RTN1: variants seen among roughly 807,000 people sequenced by gnomAD.
RTN1 encodes the protein reticulon-1.
RTN1 carries 25 observed loss-of-function variants against 65.5 expected under a neutral mutation model. The observed-to-expected ratio is 0.38, with a 90% CI of 0.28 to 0.53. The LOEUF (loss-of-function observed/expected upper bound fraction) is 0.53, where lower values mean the gene tolerates loss of function less well. Among genes scored for constraint, RTN1 ranks in the 20% least tolerant of loss-of-function variants. RTN1 has a pLI of 0.79. For missense variants in RTN1, 983 were observed against 1,025.4 expected, an observed-to-expected ratio of 0.96 and a Z score of 0.57; for synonymous variants, 471 against 447.6, an observed-to-expected ratio of 1.05 and a Z score of -0.66.
intron 3 of RTN1, among the ~76,000 whole-genome samples, chr14:59,678,155 C>A (rs938505280): frequency 2.0e-5 from 3 of 152,124 alleles, no homozygotes; most frequent in African/African-American, 7.2e-5. Context: ...AGGGACAAGT[C>A]CTGTTCTGGG....
intron 3 of RTN1, among the ~76,000 whole-genome samples, chr14:59,710,745 C>A (rs189468857): frequency 3.9e-5 from 6 of 152,214 alleles, no homozygotes; most frequent in Non-Finnish European, 7.3e-5. Flanking sequence ...CAAAGGACAG[C>A]CCATCTGAGT....
intron 3 of RTN1, among the ~76,000 whole-genome samples, chr14:59,672,924 G>A (rs902804981): frequency 6.6e-5 from 10 of 152,122 alleles, no homozygotes; most frequent in Middle Eastern, 3.2e-3. Flanking sequence ...ACAGGCGTGA[G>A]CCACCGCGCC....
intron 3 of RTN1, among the ~76,000 whole-genome samples, chr14:59,714,196 T>C (rs1050664644): frequency 1.1e-4 from 16 of 150,648 alleles, no homozygotes; most frequent in Non-Finnish European, 7.4e-5. Flanking sequence ...GATTGTGCCA[T>C]TGCCTCCAGC....
chr14:59,690,641 C>T (rs970675647), intron 3 of RTN1, among the ~76,000 whole-genome samples: 1 of 151,974 alleles, frequency 6.6e-6, no homozygotes, highest in African/African-American at 2.4e-5. Flanking sequence ...GGATATATAT[C>T]GTTCTCAGCT....
intron 3 of RTN1, among the ~76,000 whole-genome samples, chr14:59,697,893 A>T (rs1884096493): frequency 1.3e-5 from 2 of 152,126 alleles, no homozygotes; most frequent in South Asian, 4.1e-4. Flanking sequence ...ACTTCTCAAA[A>T]AGATGTACTG....
intron 3 of RTN1, among the ~76,000 whole-genome samples, chr14:59,636,444 A>T (rs959942878): frequency 6.6e-6 from 1 of 152,184 alleles, no homozygotes; most frequent in Admixed American, 6.5e-5. Context: ...GGCCCTCGCC[A>T]GACACTGAGC....
rs1218909288 is a variant in RTN1, at chr14:59,841,807, C to A, written c.241+28583G>T. On this transcript the variant is annotated intron_variant, in intron 1 of 8. Coordinates refer to ENST00000267484, the MANE Select transcript of RTN1 (RefSeq NM_021136.3). ...GATAGCTAGAAAGTTAAAGAGTAGA[C>A]AAAAATACACCTGCAAACAATAAGC... Among the ~76,000 whole-genome samples the A allele has an allele frequency of 4.7e-5, 7 of 150,520 alleles. 1 individual carries two copies. In the South Asian group the frequency reaches 1.5e-3, roughly 32 times the overall value.
intron 1 of RTN1, among the ~76,000 whole-genome samples, chr14:59,791,130 C>T (rs1366494230): frequency 1.3e-5 from 2 of 152,094 alleles, no homozygotes; most frequent in Non-Finnish European, 2.9e-5. Context: ...ATTTCCATAG[C>T]TCGTTTTCTT....
chr14:59,727,252 C>A lies in RTN1; in HGVS notation c.1432G>T (p.Glu478Ter). The change falls in exon 3 of 9, where the codon GAG (glutamate) becomes TAG (stop). Residue 478 changes from glutamate to a stop codon, truncating the protein, a stop_gained. Coordinates refer to ENST00000267484, the MANE Select transcript of RTN1 (RefSeq NM_021136.3). LOFTEE classifies it high-confidence loss of function. This position sits in a 1 kb window ranked among gnomAD's most constrained non-coding sequence, Gnocchi z 4.2. ...IESCDASSAS[E>*]ESPKREQDSP... is the part of the protein sequence containing the mutation. Reference sequence around the variant, plus strand: ...TCCTGCTCCCGCTTGGGGCTCTCCTCCGAGGCCGAGGAGGCGTCGCACGAC... The same window carrying A: ...TCCTGCTCCCGCTTGGGGCTCTCCTACGAGGCCGAGGAGGCGTCGCACGAC... 6.5e-7 allele frequency: 1 copy of A among 1,527,966 alleles called. No homozygotes were observed. The highest frequency in any genetic ancestry group is 8.8e-7 in the Non-Finnish European group (1 of 1,137,344). The allele number at this position is 1,527,966 out of a possible 1,614,324, so 94.7% of individuals were successfully genotyped here. A position where few individuals can be genotyped will look rare whatever the true frequency, so the allele number is the denominator to read the frequency against.
chr14:59,747,781 C>G (rs1051093582), intron 1 of RTN1, among the ~76,000 whole-genome samples: 1 of 151,774 alleles, frequency 6.6e-6, no homozygotes, highest in African/African-American at 2.4e-5. Context: ...AAATTAAGTC[C>G]CACACTCTCT....
chr14:59,632,999 G>A (rs1882588174), intron 3 of RTN1, among the ~76,000 whole-genome samples: 1 of 152,186 alleles, frequency 6.6e-6, no homozygotes, highest in Non-Finnish European at 1.5e-5. Flanking sequence ...CTACTTGGGA[G>A]GCTGAAGTGG....
intron 1 of RTN1, among the ~76,000 whole-genome samples, chr14:59,748,782 G>C (rs1236979889): frequency 6.6e-6 from 1 of 151,850 alleles, no homozygotes; most frequent in East Asian, 1.9e-4. Flanking sequence ...GCAAAATAAA[G>C]GAAAGTGATA....
chr14:59,740,577 A>G (rs1212372135), intron 2 of RTN1, among the ~76,000 whole-genome samples: 2 of 152,162 alleles, frequency 1.3e-5, no homozygotes, highest in Non-Finnish European at 2.9e-5. Flanking sequence ...TTTACTCAAG[A>G]GTAAGGATGA....
rs541723236 is a variant in RTN1 at position 59,624,263 on chromosome 14, C to A, written c.1766-16771G>T. Among the ~76,000 whole-genome samples the A allele has an allele frequency of 1.9e-4, 29 of 152,182 alleles. No homozygotes were observed. The South Asian group carries it at 5.8e-3, about 31-fold the overall frequency. ...ACTATACTTTTAAGTTGTAAAACTC[C>A]TAACAGTTTTCTTATTTGAAATATA... On this transcript the variant is annotated intron_variant, in intron 3 of 8. Transcript: ENST00000267484.
Position 59,701,178 on chromosome 14 carries a change from T to C in RTN1, c.1765+25741A>G, listed in dbSNP as rs1268017066. Among the ~76,000 whole-genome samples the C allele has an allele frequency of 6.6e-5, 10 of 152,164 alleles. No homozygotes were observed. The South Asian group carries it at 1.9e-3, about 28-fold the overall frequency. ...CACCAGAATGGCTAAAATTAAAAAG[T>C]GTGAGGATGTGGAGAAATTGGAATT... On this transcript the variant is annotated intron_variant, in intron 3 of 8. Coordinates refer to ENST00000267484, the MANE Select transcript of RTN1 (RefSeq NM_021136.3).
rs1290969081 is a variant in RTN1, at chr14:59,829,675, C to T, written c.241+40715G>A. ...GTTGGCTTGGGGACTCTGCTCTCCA[C>T]AGTCCTCACACAGGGAGCAGGCAGA... On this transcript the variant is annotated intron_variant, in intron 1 of 8. Transcript: ENST00000267484. The surrounding 1 kb of genome is among the most constrained non-coding windows in gnomAD (Gnocchi z 4.3). Among the ~76,000 whole-genome samples, 5 of 152,216 alleles carry T rather than the reference C, an allele frequency of 3.3e-5. No homozygotes were observed. The highest frequency in any genetic ancestry group is 1.2e-4 in the African/African-American group (5 of 41,456).
chr14:59,715,565 C>T (rs899209093), intron 3 of RTN1, among the ~76,000 whole-genome samples: 1 of 152,150 alleles, frequency 6.6e-6, no homozygotes, highest in African/African-American at 2.4e-5. Context: ...GTGGCTCACG[C>T]CTGTAATCCC....
rs753014277 is a variant in RTN1, at chr14:59,867,346, C to T, written c.241+3044G>A. Among the ~76,000 whole-genome samples, 36 of 152,284 alleles carry T rather than the reference C, an allele frequency of 2.4e-4. 1 individual carries two copies. Among genetic ancestry groups the T allele is most frequent in the Admixed American group, 9.2e-4 (14 of 15,296 alleles). ...ATGATGGCACTTTTATGATTAACAA[C>T]GCTAACATGTCGTAGCCTACCTACG... On this transcript the variant is annotated intron_variant, in intron 1 of 8. Transcript: ENST00000267484.
rs558309410 is a variant in RTN1 at position 59,805,064 on chromosome 14, C to T, written c.242-58583G>A. On this transcript the variant is annotated intron_variant, in intron 1 of 8. Transcript: ENST00000267484. ...ACCAAACACATTCCCGTCTTGAGGA[C>T]TTTGCACTTCTTCCAGCTACCTGGA... Among the ~76,000 whole-genome samples, 209 of 152,342 alleles carry T rather than the reference C, an allele frequency of 1.4e-3. 1 individual carries two copies. Among genetic ancestry groups the T allele is most frequent in the Non-Finnish European group, 2.6e-3 (178 of 68,034 alleles).
Sources: allele counts gnomAD v4.1 joint callset (sites outside exome capture counted in the v4.1 genomes callset), GRCh38; gene constraint gnomAD v4.1.1; non-coding constraint Gnocchi (gnomAD v3.1); transcripts MANE v1.5; gene names NCBI Gene and HGNC (gene_info 2026-07-23, HGNC 2026-07-21).